Variants in CACNA1D observed in about 807,000 individuals in gnomAD.
CACNA1D encodes calcium voltage-gated channel subunit alpha1 D.
In CACNA1D, 55 loss-of-function variants were observed where a neutral mutation model predicts 257.1. That is an observed-to-expected ratio of 0.21 (90% CI 0.17 to 0.27). The LOEUF is 0.27. Ranked by LOEUF, CACNA1D falls within the 10% of genes least tolerant of loss-of-function variation. The pLI, the probability that CACNA1D is intolerant of heterozygous loss-of-function variation, is 1.00. For synonymous variants in CACNA1D, 980 were observed against 1,014.9 expected (o/e 0.97, Z 0.65); for missense variants, 1,876 against 2,784.0 (o/e 0.67, Z 7.34).
rs1449670347 is a variant in CACNA1D, at chr3:53,558,757, G to A, written c.483+57037G>A. ...AATTCAAATCATTCTTCTCTATGCT[G>A]TATGTTGTTTTCCTCTGGCTATTTT... On this transcript the variant is annotated intron_variant, in intron 3 of 47. Coordinates refer to ENST00000350061, the MANE Select transcript of CACNA1D (RefSeq NM_001128840.3). 2.0e-5 allele frequency among the ~76,000 whole-genome samples: 3 copies of A among 152,128 alleles called. 1 individual carries two copies. Among genetic ancestry groups the A allele is most frequent in the South Asian group, 4.2e-4 (2 of 4,798 alleles).
chr3:53,512,461 G>A (rs1279057192), intron 3 of CACNA1D, among the ~76,000 whole-genome samples: 1 of 152,180 alleles, frequency 6.6e-6, no homozygotes, highest in Non-Finnish European at 1.5e-5. Context: ...GGTTTTGATT[G>A]ACCCTGAATG....
intron 3 of CACNA1D, among the ~76,000 whole-genome samples, chr3:53,572,850 C>T (rs1044100496): frequency 6.6e-6 from 1 of 152,180 alleles, no homozygotes; most frequent in East Asian, 1.9e-4. Flanking sequence ...GCATGTTCCC[C>T]GTCTCAACAC....
chr3:53,805,278 C>T (rs2095556609), intron 45 of CACNA1D, 132 bp downstream of exon 45: 3 of 815,528 alleles, frequency 3.7e-6, no homozygotes, highest in Non-Finnish European at 6.2e-6. Context: ...GACCAGCCCC[C>T]AGCCAGAGAG....
intron 8 of CACNA1D, 36 bp from the exon 9 acceptor site, chr3:53,702,605 G>A: frequency 1.2e-6 from 2 of 1,610,124 alleles, no homozygotes; most frequent in Non-Finnish European, 1.7e-6. Flanking sequence ...CCCCAAGGAT[G>A]TCCTGATATG....
chr3:53,670,688 A>G (rs1438186304), intron 7 of CACNA1D, among the ~76,000 whole-genome samples: 1 of 152,172 alleles, frequency 6.6e-6, no homozygotes, highest in Non-Finnish European at 1.5e-5. Context: ...CTAAAAAGAA[A>G]ATTATTTCCT....
intron 8 of CACNA1D, among the ~76,000 whole-genome samples, chr3:53,702,200 A>G (rs946618592): frequency 1.3e-5 from 2 of 152,178 alleles, no homozygotes; most frequent in Non-Finnish European, 2.9e-5. Context: ...GTTTGTCCAA[A>G]AGCATTGAAG....
chr3:53,791,032 G>A (rs1212365716), intron 40 of CACNA1D: 1 of 702,276 alleles, frequency 1.4e-6, no homozygotes, highest in Admixed American at 2.0e-5. Flanking sequence ...GCACCAAGCT[G>A]GTTAGTCGGA....
intron 3 of CACNA1D, among the ~76,000 whole-genome samples, chr3:53,568,051 AGACG>A (rs1223746705): frequency 6.6e-6 from 1 of 152,156 alleles, no homozygotes; most frequent in Admixed American, 6.5e-5. Flanking sequence ...CCCCTAATGG[AGACG>A]GACACATCAA....
intron 46 of CACNA1D, 27 bp downstream of exon 46, chr3:53,808,797 C>T (rs771013196): frequency 6.2e-7 from 1 of 1,601,734 alleles, no homozygotes; most frequent in Admixed American, 1.7e-5. Context: ...GCCTTGCCCC[C>T]ACACCTAGGG....
chr3:53,534,736 A>T (rs1164623644), intron 3 of CACNA1D, among the ~76,000 whole-genome samples: 1 of 152,142 alleles, frequency 6.6e-6, no homozygotes, highest in Non-Finnish European at 1.5e-5. Flanking sequence ...TGTTCCTCTA[A>T]ATCATGAACT....
intron 40 of CACNA1D, chr3:53,792,166 CT>C (rs1338799955): frequency 6.6e-6 from 1 of 152,182 alleles, no homozygotes; most frequent in East Asian, 1.9e-4. Context: ...AAATTCCCCC[CT>C]TTTAAAGAAA....
At chr3:53,602,983 C>T (rs148557476) in intron 3 of CACNA1D, among the ~76,000 whole-genome samples, 3 of 152,328 alleles carry the variant, frequency 2.0e-5, no homozygotes, top group African/African-American at 4.8e-5. Flanking sequence ...ACGAAGTTGT[C>T]CCTCTTGGAG....
chr3:53,760,020 A>G (rs1190566942), intron 29 of CACNA1D, among the ~76,000 whole-genome samples: 1 of 152,210 alleles, frequency 6.6e-6, no homozygotes, highest in Non-Finnish European at 1.5e-5. Flanking sequence ...TGGGGCTCAC[A>G]AATTCCTTTT....
intron 25 of CACNA1D, 92 bp downstream of exon 25, chr3:53,745,967 G>A (rs562656411): frequency 1.3e-4 from 132 of 1,023,898 alleles, no homozygotes; most frequent in Non-Finnish European, 1.8e-4. Flanking sequence ...AGTTTTGGTC[G>A]TGAAATAAAA....
intron 40 of CACNA1D, among the ~76,000 whole-genome samples, chr3:53,797,497 C>A (rs2095513114): frequency 6.6e-6 from 1 of 152,214 alleles, no homozygotes; most frequent in African/African-American, 2.4e-5. Context: ...CCTCTAATGT[C>A]TCTTTAATAA....
At chr3:53,753,777 A>C in intron 29 of CACNA1D, 95 bp downstream of exon 29, 1 of 790,784 alleles carries the variant, frequency 1.3e-6, no homozygotes, top group Non-Finnish European at 2.3e-6. Flanking sequence ...ATTATGCTAA[A>C]GTGTTCTGGC....
intron 8 of CACNA1D, among the ~76,000 whole-genome samples, chr3:53,686,285 C>T (rs1003531315): frequency 6.6e-6 from 1 of 151,848 alleles, no homozygotes; most frequent in African/African-American, 2.4e-5. Flanking sequence ...TTATGTCAGC[C>T]GATTTAGAAA....
intron 3 of CACNA1D, among the ~76,000 whole-genome samples, chr3:53,555,964 C>T (rs1029120129): frequency 1.6e-4 from 24 of 152,148 alleles, no homozygotes; most frequent in African/African-American, 5.8e-4. Flanking sequence ...ACTTATCCTG[C>T]CTCTTGTAGT....
chr3:53,662,526 G>T (rs2108342721), intron 5 of CACNA1D, among the ~76,000 whole-genome samples: 1 of 152,298 alleles, frequency 6.6e-6, no homozygotes, highest in Admixed American at 6.5e-5. Flanking sequence ...AAGATCATCT[G>T]GTCTACCTGC....
Sources: gnomAD v4.1 joint callset for allele counts (sites outside exome capture counted in the v4.1 genomes callset) on GRCh38, gnomAD v4.1.1 for gene constraint, MANE v1.5 for transcripts, NCBI Gene and HGNC (gene_info 2026-07-23, HGNC 2026-07-21) for gene names.